The following GLIS3 variants were observed in gnomAD, a reference collection of about 807,000 sequenced individuals.
GLIS3 encodes zinc finger protein GLIS3.
GLIS3 carries 53 observed loss-of-function variants against 78.6 expected under a neutral mutation model. The ratio of observed to expected loss-of-function variants is 0.67; its 90% CI spans 0.54 to 0.85. The LOEUF (loss-of-function observed/expected upper bound fraction) is 0.85, where lower values mean the gene tolerates loss of function less well. Among genes scored for constraint, GLIS3 ranks in the 40% least tolerant of loss-of-function variants. The probability of loss-of-function intolerance (pLI) is 0.00; values close to 1 mark genes in which losing one functional copy is unlikely to be tolerated. For missense variants in GLIS3, 1,703 were observed against 1,231.1 expected (o/e 1.38, Z -5.74); for synonymous variants, 684 against 509.9 (o/e 1.34, Z -4.60).
At chr9:4,224,935 T>A (rs1313436194) in intron 2 of GLIS3, among the ~76,000 whole-genome samples, 1 of 152,040 alleles carries the variant, frequency 6.6e-6, no homozygotes, top group Non-Finnish European at 1.5e-5. Context: ...CGATTATCAC[T>A]ATGAGTATCG....
chr9:4,233,399 T>C (rs1822445132), intron 2 of GLIS3, among the ~76,000 whole-genome samples: 1 of 152,238 alleles, frequency 6.6e-6, no homozygotes, highest in Non-Finnish European at 1.5e-5. Flanking sequence ...GTGTTACCAA[T>C]CATGAAAACA....
rs540452569 is a variant in GLIS3 at position 4,171,781 on chromosome 9, G to A, written c.389-45840C>T. On this transcript the variant is annotated intron_variant, in intron 2 of 10. Coordinates refer to ENST00000381971, the MANE Select transcript of GLIS3 (RefSeq NM_001042413.2). ...GTTAGGCATTGCAGATTTATAATGA[G>A]TGTAATTTGGAACTACAGTACCATA... 2.0e-4 allele frequency among the ~76,000 whole-genome samples: 31 copies of A among 152,286 alleles called. 1 individual carries two copies. In the South Asian group the frequency reaches 6.0e-3, roughly 30 times the overall value.
intron 9 of GLIS3, among the ~76,000 whole-genome samples, chr9:3,851,376 G>A (rs1819422937): frequency 6.6e-6 from 1 of 152,168 alleles, no homozygotes; most frequent in African/African-American, 2.4e-5. Flanking sequence ...CTAAGAAGTT[G>A]CCTTGGAGAT....
At chr9:4,347,409 C>A (rs115948181) in intron 1 of GLIS3, among the ~76,000 whole-genome samples, 1 of 152,092 alleles carries the variant, frequency 6.6e-6, no homozygotes, top group Non-Finnish European at 1.5e-5. Context: ...GGAGGACAAA[C>A]ATCCAAACTA....
intron 4 of GLIS3, among the ~76,000 whole-genome samples, chr9:3,964,701 T>C (rs981391950): frequency 1.4e-4 from 21 of 152,210 alleles, no homozygotes; most frequent in African/African-American, 5.1e-4. Context: ...GGACAGAATT[T>C]TTTCATATTT....
At chr9:4,291,028 C>T (rs895918848) in intron 1 of GLIS3, among the ~76,000 whole-genome samples, 26 of 152,020 alleles carry the variant, frequency 1.7e-4, no homozygotes, top group Admixed American at 1.5e-3. Context: ...ACCGAAGTTA[C>T]ACAGAAACAG....
intron 4 of GLIS3, among the ~76,000 whole-genome samples, chr9:3,950,794 C>A (rs531730261): frequency 7.2e-5 from 11 of 152,164 alleles, no homozygotes; most frequent in African/African-American, 2.7e-4. Flanking sequence ...TGTTGAATAA[C>A]GGACAAGTGA....
chr9:3,859,309 T>C (rs919211115), intron 8 of GLIS3, among the ~76,000 whole-genome samples: 1 of 151,560 alleles, frequency 6.6e-6, no homozygotes, highest in African/African-American at 2.4e-5. Context: ...GAACCCCATT[T>C]TCTAAGTGTC....
At chr9:4,259,610 G>A (rs889318591) in intron 2 of GLIS3, among the ~76,000 whole-genome samples, 1 of 152,114 alleles carries the variant, frequency 6.6e-6, no homozygotes, top group African/African-American at 2.4e-5. Flanking sequence ...AAAGTTAAAT[G>A]GGTGTGCTTT....
intron 4 of GLIS3, among the ~76,000 whole-genome samples, chr9:4,065,162 G>C (rs1826987723): frequency 6.6e-6 from 1 of 152,114 alleles, no homozygotes; most frequent in African/African-American, 2.4e-5. Context: ...CCAGGCTGTG[G>C]AGTTTACAAA....
rs1386607941 is a variant in GLIS3, at chr9:4,079,006, A to T, written c.1710+38762T>A. 3.3e-5 allele frequency among the ~76,000 whole-genome samples: 5 copies of T among 152,172 alleles called. No individual in the cohort carries two copies. In the South Asian group the frequency reaches 1.0e-3, roughly 32 times the overall value. ...GAAAATACAGCCTTCCTTCTTTAGG[A>T]AACTGCTAAATAGAACCAAACTCTT... On this transcript the variant is annotated intron_variant, in intron 4 of 10. Transcript: ENST00000381971.
At chr9:3,832,076 C>T (rs111262245) in intron 9 of GLIS3, among the ~76,000 whole-genome samples, 57 of 151,808 alleles carry the variant, frequency 3.8e-4, no homozygotes, top group African/African-American at 1.2e-3. Flanking sequence ...TGGCAAATTA[C>T]TTAGCTTCTT....
the GLIS3 span, among the ~76,000 whole-genome samples, chr9:4,423,435 C>T: frequency 9.9e-5 from 15 of 152,050 alleles, no homozygotes; most frequent in Non-Finnish European, 1.9e-4. Context: ...CTCATTCCCC[C>T]AACTTCCCAC....
At chr9:3,975,545 T>G (rs1173681376) in intron 4 of GLIS3, among the ~76,000 whole-genome samples, 2 of 151,352 alleles carry the variant, frequency 1.3e-5, no homozygotes, top group Non-Finnish European at 2.9e-5. Flanking sequence ...TTTATTGTGT[T>G]TCTGCATTTG....
intron 7 of GLIS3, 115 bp from the exon 8 acceptor site, chr9:3,879,710 G>A: frequency 9.2e-7 from 1 of 1,087,312 alleles, no homozygotes; most frequent in Non-Finnish European, 1.4e-6. Context: ...TTCTCTCAGT[G>A]GTTTTCAGGG....
intron 4 of GLIS3, among the ~76,000 whole-genome samples, chr9:3,941,353 TTTTA>T (rs369316857): frequency 3.7e-4 from 56 of 151,858 alleles, no homozygotes; most frequent in African/African-American, 9.2e-4. Context: ...CAACTTTTTA[TTTTA>T]TTTATTTATT....
chr9:4,036,778 G>A (rs1308484296), intron 4 of GLIS3, among the ~76,000 whole-genome samples: 1 of 152,124 alleles, frequency 6.6e-6, no homozygotes, highest in African/African-American at 2.4e-5. Flanking sequence ...AGAACTGTGG[G>A]TGATATACCA....
intron 2 of GLIS3, among the ~76,000 whole-genome samples, chr9:4,339,220 A>G (rs1260930336): frequency 6.6e-6 from 1 of 152,212 alleles, no homozygotes; most frequent in East Asian, 1.9e-4. Flanking sequence ...CCAGTCCTCA[A>G]TGACTGGATT....
intron 2 of GLIS3, among the ~76,000 whole-genome samples, chr9:4,188,823 C>G (rs1342661485): frequency 1.3e-5 from 2 of 152,186 alleles, no homozygotes; most frequent in African/African-American, 4.8e-5. Flanking sequence ...GTCTGTATTT[C>G]TGTGGGATCG....
Sources: allele counts gnomAD v4.1 joint callset (sites outside exome capture counted in the v4.1 genomes callset), GRCh38; gene constraint gnomAD v4.1.1; transcripts MANE v1.5; gene names NCBI Gene and HGNC (gene_info 2026-07-23, HGNC 2026-07-21).